CCM2: variants seen among roughly 807,000 people sequenced by gnomAD.
CCM2 encodes cerebral cavernous malformations 2 protein.
CCM2 carries 25 observed loss-of-function variants against 44.9 expected under a neutral mutation model. The observed-to-expected ratio is 0.56, with a 90% CI of 0.41 to 0.78. The LOEUF is 0.78. Among genes scored for constraint, CCM2 ranks in the 30% least tolerant of loss-of-function variants. The pLI is 0.00. For missense variants in CCM2, 481 were observed against 580.6 expected (o/e 0.83, Z 1.76); for synonymous variants, 219 against 241.1 (o/e 0.91, Z 0.85).
chr7:45,040,137 G>A (rs1248282224), intron 2 of CCM2, among the ~76,000 whole-genome samples: 1 of 152,178 alleles, frequency 6.6e-6, no homozygotes, highest in East Asian at 1.9e-4. Flanking sequence ...GCTCATGCCT[G>A]TAATCCCAGC....
chr7:45,051,742 T>C (rs1033402737), intron 2 of CCM2, among the ~76,000 whole-genome samples: 1 of 152,162 alleles, frequency 6.6e-6, no homozygotes, highest in Non-Finnish European at 1.5e-5. Flanking sequence ...TTTGTATTTT[T>C]AGTAGAGACG....
rs111870273 is a variant in CCM2, at chr7:45,060,530, G to A, written c.205-3388G>A. On this transcript the variant is annotated intron_variant, in intron 2 of 9. Transcript: ENST00000258781. ...TTCTCAGCTCTCATTACTCCAAATA[G>A]TTATTGTGTTCTTTTCTTTCTCTTG... Among the ~76,000 whole-genome samples the A allele has an allele frequency of 2.7e-3, 409 of 152,312 alleles. 1 individual carries two copies. Among genetic ancestry groups the A allele is most frequent in the Non-Finnish European group, 4.7e-3 (319 of 68,014 alleles).
At chr7:45,011,640 C>T (rs1331811450) in intron 1 of CCM2, among the ~76,000 whole-genome samples, 1 of 152,094 alleles carries the variant, frequency 6.6e-6, no homozygotes, top group Non-Finnish European at 1.5e-5. Flanking sequence ...CAACCTCTGC[C>T]TCCTGGTTTC....
chr7:45,072,863 C>T, intron 7 of CCM2, 80 bp downstream of exon 7: 1 of 1,176,406 alleles, frequency 8.5e-7, no homozygotes, highest in East Asian at 2.3e-5. Context: ...TGCAGCCAGT[C>T]AGCTCCCCCA....
chr7:45,071,851 A>G (rs1325644207), intron 6 of CCM2: 1 of 456,730 alleles, frequency 2.2e-6, no homozygotes, highest in Admixed American at 2.3e-5. Flanking sequence ...CAAATTCTCC[A>G]GGGTCATCTC....
chr7:45,045,923 A>G (rs1797734621), intron 2 of CCM2, among the ~76,000 whole-genome samples: 1 of 152,260 alleles, frequency 6.6e-6, no homozygotes, highest in African/African-American at 2.4e-5. Flanking sequence ...TAAATCTTAC[A>G]AAACATGAAT....
intron 1 of CCM2, among the ~76,000 whole-genome samples, chr7:45,004,996 C>CA (rs57545850): frequency 0.015 from 2,130 of 139,778 alleles, 21 homozygotes; most frequent in Middle Eastern, 0.044. Context: ...GACTCCGTCT[C>CA]AAAAAAAAAA....
intron 2 of CCM2, among the ~76,000 whole-genome samples, chr7:45,039,170 A>T (rs573692457): frequency 6.6e-6 from 1 of 152,318 alleles, no homozygotes; most frequent in Admixed American, 6.5e-5. Flanking sequence ...CAGCCAGATG[A>T]TTAACTCATC....
chr7:45,002,233 A>C (rs1795667137), intron 1 of CCM2, among the ~76,000 whole-genome samples: 1 of 152,248 alleles, frequency 6.6e-6, no homozygotes, highest in Admixed American at 6.5e-5. Flanking sequence ...AGTTTTATGA[A>C]GGTACAGTTT....
chr7:45,028,933 C>T (rs1252414691), intron 1 of CCM2, among the ~76,000 whole-genome samples: 3 of 152,108 alleles, frequency 2.0e-5, no homozygotes, highest in Non-Finnish European at 4.4e-5. Flanking sequence ...GTCGTAGTGC[C>T]TCGGATGTGC....
At chr7:45,009,833 G>A (rs1180162368) in intron 1 of CCM2, among the ~76,000 whole-genome samples, 2 of 151,872 alleles carry the variant, frequency 1.3e-5, no homozygotes, top group African/African-American at 4.8e-5. Flanking sequence ...AAATACATTA[G>A]CATGCATGTC....
intron 1 of CCM2, among the ~76,000 whole-genome samples, chr7:45,025,682 G>A (rs996565791): frequency 7.9e-5 from 12 of 152,212 alleles, no homozygotes; most frequent in Admixed American, 7.2e-4. Flanking sequence ...TAACAGGCAT[G>A]CGCCATCACG....
intron 1 of CCM2, among the ~76,000 whole-genome samples, chr7:45,016,711 C>G (rs926888349): frequency 1.3e-5 from 2 of 151,618 alleles, no homozygotes; most frequent in Non-Finnish European, 2.9e-5. Context: ...TGGCTCACTG[C>G]AACCTCCGCC....
chr7:45,030,828 A>G (rs987270594), intron 1 of CCM2, among the ~76,000 whole-genome samples: 3 of 152,070 alleles, frequency 2.0e-5, no homozygotes, highest in Admixed American at 1.3e-4. Context: ...GGTTCAAGCA[A>G]TTCTCCTGCC....
chr7:45,072,266 A>T (rs1583989678), intron 6 of CCM2: 1 of 331,738 alleles, frequency 3.0e-6, no homozygotes, highest in Admixed American at 4.3e-5. Context: ...TCAGATGGGG[A>T]GTCAGACTGC....
chr7:45,045,983 T>C (rs1425782574), intron 2 of CCM2, among the ~76,000 whole-genome samples: 1 of 152,206 alleles, frequency 6.6e-6, no homozygotes, highest in Non-Finnish European at 1.5e-5. Context: ...AAATCAAAGA[T>C]CTGAATAAGT....
At chr7:45,005,022 A>G (rs1795791291) in intron 1 of CCM2, among the ~76,000 whole-genome samples, 1 of 149,916 alleles carries the variant, frequency 6.7e-6, no homozygotes, top group Non-Finnish European at 1.5e-5. Flanking sequence ...GCTCATGGTC[A>G]TGACCCACTA....
At chr7:45,051,673 G>A (rs1287109989) in intron 2 of CCM2, among the ~76,000 whole-genome samples, 1 of 152,132 alleles carries the variant, frequency 6.6e-6, no homozygotes. Context: ...CCATTCTCCT[G>A]CCTCAGCCTC....
rs1283744514 is a variant in CCM2 at position 45,074,395 on chromosome 7, G to A, written c.1041G>A (p.Lys347=). 1.9e-6 allele frequency: 3 copies of A among 1,613,448 alleles called. No individual in the cohort carries two copies. Among genetic ancestry groups the A allele is most frequent in the East Asian group, 2.2e-5 (1 of 44,880 alleles). ...NLRQLYGDSR[K]FLLLGLRPFI... is the part of the protein sequence containing the mutation. ...GGCAGCTCTACGGGGACAGCCGCAA[G>A]TTCCTGCTGCTTGGTGAGTGGGCCC... Residue 347 remains lysine (K), a synonymous_variant, in exon 9 of 10, where the codon AAG becomes AAA. Coordinates refer to ENST00000258781, the MANE Select transcript of CCM2 (RefSeq NM_031443.4).
Sources: allele counts gnomAD v4.1 joint callset (sites outside exome capture counted in the v4.1 genomes callset), GRCh38; gene constraint gnomAD v4.1.1; transcripts MANE v1.5; gene names NCBI Gene and HGNC (gene_info 2026-07-23, HGNC 2026-07-21).